Variants in PDE1A observed in about 807,000 individuals in gnomAD.
PDE1A encodes the protein phosphodiesterase 1A.
In PDE1A, 35 loss-of-function variants were observed where a neutral mutation model predicts 61.7. That is an observed-to-expected ratio of 0.57 (90% CI 0.43 to 0.75). The LOEUF (loss-of-function observed/expected upper bound fraction) is 0.75. PDE1A is among the 30% of genes least tolerant of loss of function. The pLI is 0.00. For missense variants in PDE1A, 597 were observed against 630.6 expected (o/e 0.95, Z 0.57); for synonymous variants, 232 against 213.2 (o/e 1.09, Z -0.77).
chr2:182,560,836 G>T, the PDE1A span, among the ~76,000 whole-genome samples: 2 of 152,216 alleles, frequency 1.3e-5, no homozygotes, highest in South Asian at 2.1e-4. Flanking sequence ...ATTTTTTCAT[G>T]TGTTTTTTGG....
chr2:182,654,916 GCCACAGGT>G, the PDE1A span, among the ~76,000 whole-genome samples: 1 of 152,072 alleles, frequency 6.6e-6, no homozygotes, highest in Non-Finnish European at 1.5e-5. Context: ...ATGAACACTT[GCCACAGGT>G]CCCAGTGGGT....
intron 1 of PDE1A, among the ~76,000 whole-genome samples, chr2:182,316,920 A>G (rs1385068732): frequency 6.6e-6 from 1 of 152,178 alleles, no homozygotes; most frequent in Non-Finnish European, 1.5e-5. Context: ...AAAAAGAGTG[A>G]AAAGTTACTT....
chr2:182,616,568 T>C, the PDE1A span, among the ~76,000 whole-genome samples: 1 of 152,236 alleles, frequency 6.6e-6, no homozygotes, highest in African/African-American at 2.4e-5. Context: ...TCTCTGTTTA[T>C]GCTTCTTCTC....
At chr2:182,509,750 A>C (rs1225964131) in intron 2 of PDE1A, among the ~76,000 whole-genome samples, 1 of 152,228 alleles carries the variant, frequency 6.6e-6, no homozygotes, top group Non-Finnish European at 1.5e-5. Context: ...TAAACAATTT[A>C]AGGTAACCAG....
the PDE1A span, among the ~76,000 whole-genome samples, chr2:182,566,728 A>ATT: frequency 1.1e-4 from 17 of 152,068 alleles, no homozygotes; most frequent in Non-Finnish European, 2.2e-4. Context: ...GTGAGAGTGA[A>ATT]TTTGCCAAGT....
chr2:182,546,404 G>A, the PDE1A span, among the ~76,000 whole-genome samples: 1 of 152,226 alleles, frequency 6.6e-6, no homozygotes, highest in South Asian at 2.1e-4. Context: ...TCCATCTGCT[G>A]TGGGAGGAAA....
rs991565903 is a variant in PDE1A, at chr2:182,231,916, A to G, written c.418-785T>C. On this transcript the variant is annotated intron_variant, in intron 4 of 13. Transcript: ENST00000351439. ...GGTGACAGAGTGAGACTCCATCTCC[A>G]AAAAGAAAGAAAGAAAGATAGAAAA... 4.0e-4 allele frequency among the ~76,000 whole-genome samples: 61 copies of G among 152,186 alleles called. 2 individuals are homozygous for G. Among genetic ancestry groups the G allele is most frequent in the African/African-American group, 1.5e-3 (61 of 41,438 alleles).
At chr2:182,310,914 G>A (rs1014893666) in intron 1 of PDE1A, among the ~76,000 whole-genome samples, 7 of 152,160 alleles carry the variant, frequency 4.6e-5, no homozygotes, top group Non-Finnish European at 8.8e-5. Context: ...CAACTTTTAT[G>A]CCTGTCCTCC....
the PDE1A span, among the ~76,000 whole-genome samples, chr2:182,636,459 T>C: frequency 6.6e-6 from 1 of 152,168 alleles, no homozygotes; most frequent in African/African-American, 2.4e-5. Context: ...AACGCTGCTT[T>C]CAAGTGATAA....
chr2:182,458,443 G>A (rs994119730), intron 2 of PDE1A, among the ~76,000 whole-genome samples: 1 of 152,058 alleles, frequency 6.6e-6, no homozygotes, highest in Non-Finnish European at 1.5e-5. Context: ...CTCAGGATGG[G>A]AAAAAATCAG....
In PDE1A at chr2:182,362,037, C is replaced by T. The variant is rs967353631; in HGVS notation, c.53+64541G>A. Among the ~76,000 whole-genome samples the T allele has an allele frequency of 2.0e-5, 3 of 151,936 alleles. No homozygotes were observed. The South Asian group carries it at 6.2e-4, about 32-fold the overall frequency. ...TTGTGTAAAGAGTTTGCTTTAGCATCGGTTTTCATTTTATGAAAGAAAAAA... is the reference window on the plus strand; with the variant it reads ...TTGTGTAAAGAGTTTGCTTTAGCATTGGTTTTCATTTTATGAAAGAAAAAA... On this transcript the variant is annotated intron_variant, in intron 1 of 13. Transcript: ENST00000351439.
chr2:182,308,074 A>T (rs977563774), intron 1 of PDE1A, among the ~76,000 whole-genome samples: 4 of 152,148 alleles, frequency 2.6e-5, no homozygotes, highest in Non-Finnish European at 5.9e-5. Context: ...GAATTTGAAA[A>T]ATAATGTCCA....
At chr2:182,512,965 C>T (rs1370273729) in intron 2 of PDE1A, among the ~76,000 whole-genome samples, 1 of 151,962 alleles carries the variant, frequency 6.6e-6, no homozygotes, top group African/African-American at 2.4e-5. Context: ...GAAACCAAAC[C>T]CATAACTCAA....
At position 182,318,478 on chromosome 2, in the gene PDE1A, C is replaced by A. The variant is rs1020628981; in HGVS notation, c.54-54064G>T. Among the ~76,000 whole-genome samples, 4 of 152,128 alleles carry A rather than the reference C, an allele frequency of 2.6e-5. No homozygotes were observed. In the South Asian group the frequency reaches 8.3e-4, roughly 32 times the overall value. On this transcript the variant is annotated intron_variant, in intron 1 of 13. Coordinates refer to ENST00000351439, the Ensembl canonical transcript of PDE1A. ...TTAGAAAGATCAACAATGTTATACA[C>A]ATAAGTCCATACAATCAAGAAACAG...
At chr2:182,496,110 ACTGT>A (rs1374685690) in intron 2 of PDE1A, among the ~76,000 whole-genome samples, 1 of 152,204 alleles carries the variant, frequency 6.6e-6, no homozygotes, top group Non-Finnish European at 1.5e-5. Context: ...TAGAGGAAAG[ACTGT>A]CTTTTATTTT....
At chr2:182,556,548 C>A in the PDE1A span, among the ~76,000 whole-genome samples, 1 of 152,140 alleles carries the variant, frequency 6.6e-6, no homozygotes, top group Non-Finnish European at 1.5e-5. Context: ...AGGAAGCTAA[C>A]CCTCCTGTTA....
chr2:182,311,543 T>C (rs1695974093), intron 1 of PDE1A, among the ~76,000 whole-genome samples: 1 of 152,208 alleles, frequency 6.6e-6, no homozygotes, highest in South Asian at 2.1e-4. Flanking sequence ...GTTTTGCTTT[T>C]CTAAAATGTC....
intron 13 of PDE1A, among the ~76,000 whole-genome samples, chr2:182,182,815 C>G (rs1322824028): frequency 6.6e-6 from 1 of 151,840 alleles, no homozygotes; most frequent in Non-Finnish European, 1.5e-5. Context: ...TCCCAGACCT[C>G]TCCATCATTC....
At chr2:182,644,128 T>TACACACACACACACACACAC in the PDE1A span, among the ~76,000 whole-genome samples, 608 of 129,498 alleles carry the variant, frequency 4.7e-3, 5 homozygotes, top group Non-Finnish European at 5.6e-3. Flanking sequence ...AATCAATGAT[T>TACACACACACACACACACAC]ACACACACAC....
Sources: gnomAD v4.1 joint callset for allele counts (sites outside exome capture counted in the v4.1 genomes callset) on GRCh38, gnomAD v4.1.1 for gene constraint, MANE v1.5 for transcripts, NCBI Gene and HGNC (gene_info 2026-07-23, HGNC 2026-07-21) for gene names.